OLAH: variants seen among roughly 807,000 people sequenced by gnomAD.
OLAH encodes oleoyl-ACP hydrolase.
A neutral mutation model predicts 27.8 loss-of-function variants in OLAH; 33 were observed. That is an observed-to-expected ratio of 1.19 (90% confidence interval 0.90 to 1.59). The LOEUF (loss-of-function observed/expected upper bound fraction) is 1.59, where lower values mean the gene tolerates loss of function less well. OLAH is among the 40% of genes most tolerant of loss of function. OLAH has a pLI of 0.00. For missense variants in OLAH, 359 were observed against 310.8 expected (o/e 1.16, Z -1.17); for synonymous variants, 120 against 102.9 (o/e 1.17, Z -1.01).
intron 1 of OLAH, among the ~76,000 whole-genome samples, chr10:15,033,823 C>G (rs1843795874): frequency 6.6e-6 from 1 of 152,122 alleles, no homozygotes; most frequent in East Asian, 1.9e-4. Context: ...TTAATCCCAC[C>G]CATGAAGGCA....
chr10:15,043,679 G>A (rs1292511209), upstream of OLAH, among the ~76,000 whole-genome samples: 1 of 151,748 alleles, frequency 6.6e-6, no homozygotes, highest in Non-Finnish European at 1.5e-5. Flanking sequence ...TGTTGGCCAG[G>A]CCCATCTCAA....
chr10:15,040,978 T>C (rs1843910103), upstream of OLAH, among the ~76,000 whole-genome samples: 1 of 152,206 alleles, frequency 6.6e-6, no homozygotes, highest in Non-Finnish European at 1.5e-5. Flanking sequence ...CTGATCAGTT[T>C]ACCTGGCCAT....
intron 3 of OLAH, among the ~76,000 whole-genome samples, chr10:15,059,209 C>T (rs987508343): frequency 2.2e-5 from 3 of 133,506 alleles, no homozygotes; most frequent in Non-Finnish European, 3.2e-5. Flanking sequence ...TCCATCCATC[C>T]GTCCATCTCA....
At chr10:15,033,920 G>C (rs1473465054) in intron 1 of OLAH, among the ~76,000 whole-genome samples, 2 of 151,962 alleles carry the variant, frequency 1.3e-5, no homozygotes, top group Non-Finnish European at 2.9e-5. Context: ...TTTTGAAGGA[G>C]ACAAATGTTC....
At chr10:15,042,438 C>G (rs1377541462), upstream of OLAH, among the ~76,000 whole-genome samples, 2 of 152,170 alleles carry the variant, frequency 1.3e-5, no homozygotes, top group Admixed American at 6.6e-5. Context: ...TAGGTGTGAG[C>G]CAGCGTGCCC....
intron 3 of OLAH, among the ~76,000 whole-genome samples, chr10:15,051,268 G>GT (rs2131349687): frequency 6.6e-6 from 1 of 152,032 alleles, no homozygotes; most frequent in South Asian, 2.1e-4. Flanking sequence ...TAGAGACGAG[G>GT]TTTCATAGTC....
At chr10:15,061,508 T>A (rs901400228) in intron 3 of OLAH, among the ~76,000 whole-genome samples, 3 of 152,080 alleles carry the variant, frequency 2.0e-5, no homozygotes, top group African/African-American at 4.8e-5. Context: ...CTTCTAGGTG[T>A]TCCCTTTATC....
chr10:15,070,911 G>A (rs536759821), intron 6 of OLAH, among the ~76,000 whole-genome samples: 14 of 149,944 alleles, frequency 9.3e-5, no homozygotes, highest in African/African-American at 3.0e-4. Context: ...TCAGCCTCCC[G>A]AGTAGCTGGA....
At chr10:15,042,076 T>A (rs1028428170), upstream of OLAH, among the ~76,000 whole-genome samples, 1 of 152,164 alleles carries the variant, frequency 6.6e-6, no homozygotes, top group African/African-American at 2.4e-5. Flanking sequence ...GCATCGGTAA[T>A]TGAGTTTGAG....
Position 15,073,273 on chromosome 10 carries a change from C to G in OLAH, c.*44C>G. 1 of 1,295,616 alleles carries G rather than the reference C, an allele frequency of 7.7e-7. No individual in the cohort carries two copies. The highest frequency in any genetic ancestry group is 1.1e-6 in the Non-Finnish European group (1 of 912,664). The allele number at this position is 1,295,616 out of a possible 1,614,324, so 80.3% of individuals were successfully genotyped here. ...TTAAAATAATCAAAGTAATATCATA[C>G]TCTTCTCAGTTATTCAGATATAGCT... On this transcript the variant is annotated 3_prime_UTR_variant, in exon 8 of 8. Transcript: ENST00000378228.
chr10:15,049,677 A>G lies in OLAH; in HGVS notation c.75A>G (p.Ala25=), dbSNP rs1309593779. 1.9e-6 allele frequency: 3 copies of G among 1,607,070 alleles called. No homozygotes were observed. The African/African-American group carries it at 4.0e-5, about 22-fold the overall frequency. The change falls in exon 3 of 8, where the codon GCA becomes GCG. Residue 25 remains alanine (A), a synonymous_variant. Coordinates refer to ENST00000378228, the MANE Select transcript of OLAH (RefSeq NM_001039702.3). ...ACTGCTTATACAAAAACCCTGAGGC[A>G]ACTTTTAAGCTGATTTGCTTTCCCT... ...IFNCLYKNPE[A]TFKLICFPWM...
Position 15,049,694 on chromosome 10 carries a change from G to T in OLAH, c.92G>T (p.Cys31Phe), listed in dbSNP as rs750824497. 4 of 1,609,886 alleles carry T rather than the reference G, an allele frequency of 2.5e-6. No homozygotes were observed. In the African/African-American group the frequency reaches 5.4e-5, roughly 22 times the overall value. Residue 31 changes from cysteine to phenylalanine, a missense_variant, in exon 3 of 8, where the codon TGC becomes TTC. Coordinates refer to ENST00000378228, the MANE Select transcript of OLAH (RefSeq NM_001039702.3). ...CCTGAGGCAACTTTTAAGCTGATTT[G>T]CTTTCCCTGGATGGGAGGTGGCTCC... ...KNPEATFKLI[C>F]FPWMGGGSTH...
intron 3 of OLAH, among the ~76,000 whole-genome samples, chr10:15,054,238 A>G (rs1383660595): frequency 6.6e-6 from 1 of 151,684 alleles, no homozygotes; most frequent in African/African-American, 2.4e-5. Flanking sequence ...ACAGGATTTC[A>G]CCATGTTGGC....
upstream of OLAH, among the ~76,000 whole-genome samples, chr10:15,043,068 G>T (rs571674173): frequency 2.8e-4 from 43 of 151,946 alleles, no homozygotes; most frequent in South Asian, 9.0e-3. Context: ...CACCATGTTA[G>T]CCAGGGTGGT....
intron 1 of OLAH, among the ~76,000 whole-genome samples, chr10:15,045,847 T>C (rs1035214186): frequency 6.6e-6 from 1 of 152,008 alleles, no homozygotes; most frequent in Admixed American, 6.6e-5. Context: ...CTGGCCAACA[T>C]GGTGAAACCC....
intron 2 of OLAH, among the ~76,000 whole-genome samples, chr10:15,048,599 C>T (rs920430243): frequency 6.6e-6 from 1 of 152,162 alleles, no homozygotes; most frequent in Admixed American, 6.6e-5. Flanking sequence ...TTACATATAA[C>T]TTGAAAAGTG....
chr10:15,052,021 G>C (rs768963056), intron 3 of OLAH, among the ~76,000 whole-genome samples: 5 of 152,116 alleles, frequency 3.3e-5, no homozygotes, highest in Non-Finnish European at 5.9e-5. Context: ...GGTGGCTCAC[G>C]CCTGTAATCC....
At chr10:15,040,571 C>G (rs1161604060), upstream of OLAH, among the ~76,000 whole-genome samples, 1 of 152,122 alleles carries the variant, frequency 6.6e-6, no homozygotes, top group Non-Finnish European at 1.5e-5. Context: ...TGCAGCATCA[C>G]CCCTTCCTTC....
intron 3 of OLAH, among the ~76,000 whole-genome samples, chr10:15,052,563 G>T (rs1844165021): frequency 6.6e-6 from 1 of 152,092 alleles, no homozygotes; most frequent in African/African-American, 2.4e-5. Flanking sequence ...GTAAACTACA[G>T]TATCTGGCCA....
Sources: allele counts gnomAD v4.1 joint callset (sites outside exome capture counted in the v4.1 genomes callset), GRCh38; gene constraint gnomAD v4.1.1; transcripts MANE v1.5; gene names NCBI Gene and HGNC (gene_info 2026-07-23, HGNC 2026-07-21).